Variants in ODAD2 observed in about 807,000 individuals in gnomAD.
ODAD2 encodes the protein outer dynein arm docking complex subunit 2.
ODAD2 carries 89 observed loss-of-function variants against 106.8 expected under a neutral mutation model. The ratio of observed to expected loss-of-function variants is 0.83; its 90% CI spans 0.70 to 0.99. The LOEUF is 0.99. Ranked by LOEUF, ODAD2 falls within the 50% of genes least tolerant of loss-of-function variation. The pLI is 0.00. For synonymous variants in ODAD2, 404 were observed against 436.2 expected, an observed-to-expected ratio of 0.93 and a Z score of 0.92; for missense variants, 1,168 against 1,238.5, an observed-to-expected ratio of 0.94 and a Z score of 0.85.
At chr10:27,928,191 T>G (rs1043087237) in intron 16 of ODAD2, among the ~76,000 whole-genome samples, 9 of 152,066 alleles carry the variant, frequency 5.9e-5, no homozygotes, top group African/African-American at 2.2e-4. Flanking sequence ...CACTCTTTCT[T>G]CAACCATCTT....
At position 27,971,460 on chromosome 10, in the gene ODAD2, C is replaced by T. The variant is rs545685151; in HGVS notation, c.937-147G>A. ...AGTAACAGCTAAACAAGGACAACAT[C>T]AAGACTAAGGCTTCTGTTGGAGTTA... On this transcript the variant is annotated intron_variant, in intron 7 of 19. Coordinates refer to ENST00000305242, the MANE Select transcript of ODAD2 (RefSeq NM_018076.5). 19 of 663,020 alleles carry T rather than the reference C, an allele frequency of 2.9e-5. No individual in the cohort carries two copies. In the Admixed American group the frequency reaches 4.0e-4, roughly 14 times the overall value. 41.1% of individuals were successfully genotyped at this position (663,020 alleles called of 1,614,324 possible).
chr10:27,835,466 T>TTC (rs892865543), intron 19 of ODAD2, among the ~76,000 whole-genome samples: 1 of 151,878 alleles, frequency 6.6e-6, no homozygotes, highest in Admixed American at 6.6e-5. Context: ...GGCAGGTGTG[T>TTC]TCTCTCTCTC....
At chr10:27,917,482 T>C (rs550694260) in intron 16 of ODAD2, among the ~76,000 whole-genome samples, 7 of 151,454 alleles carry the variant, frequency 4.6e-5, no homozygotes, top group Middle Eastern at 3.2e-3. Context: ...GAAGCAAAAG[T>C]TAAACACAAA....
chr10:27,868,588 A>G (rs535746873), intron 17 of ODAD2, among the ~76,000 whole-genome samples: 1 of 152,292 alleles, frequency 6.6e-6, no homozygotes, highest in South Asian at 2.1e-4. Flanking sequence ...CGAACAGAAA[A>G]CCAAACAACA....
chr10:27,856,266 A>T (rs541528059), intron 19 of ODAD2, among the ~76,000 whole-genome samples: 1 of 151,290 alleles, frequency 6.6e-6, no homozygotes, highest in African/African-American at 2.4e-5. Context: ...ACTGTATTGG[A>T]GGGGATTGAT....
chr10:27,848,564 CTAAT>C (rs1302375356), intron 19 of ODAD2, among the ~76,000 whole-genome samples: 1 of 152,172 alleles, frequency 6.6e-6, no homozygotes, highest in African/African-American at 2.4e-5. Context: ...CAAATGGGAT[CTAAT>C]TAAACTAAAG....
rs561834977 is a variant in ODAD2 at position 27,924,516 on chromosome 10, T to C, written c.2495+10494A>G. ...AAGATAAAACCAGAAATTTATGTGG[T>C]AGAAAATAAAAGAACAGTACATCCA... On this transcript the variant is annotated intron_variant, in intron 16 of 19. Coordinates refer to ENST00000305242, the MANE Select transcript of ODAD2 (RefSeq NM_018076.5). Among the ~76,000 whole-genome samples the C allele has an allele frequency of 3.9e-3, 544 of 140,612 alleles. 3 individuals carry two copies. The highest frequency in any genetic ancestry group is 0.014 in the African/African-American group (528 of 38,366). The allele number at this position is 140,612 out of a possible 152,430, so 92.2% of individuals were successfully genotyped here. A position where few individuals can be genotyped will look rare whatever the true frequency, so the allele number is the denominator to read the frequency against.
intron 17 of ODAD2, among the ~76,000 whole-genome samples, chr10:27,895,040 C>A (rs547817129): frequency 4.9e-4 from 19 of 39,046 alleles, no homozygotes; most frequent in African/African-American, 1.2e-3. Flanking sequence ...GTCATCGGTA[C>A]GAAAAAAAAA....
intron 10 of ODAD2, among the ~76,000 whole-genome samples, chr10:27,953,708 G>T (rs1475351998): frequency 2.6e-5 from 4 of 152,164 alleles, no homozygotes; most frequent in African/African-American, 4.8e-5. Context: ...TTTCATTTAT[G>T]TATATAAATT....
chr10:27,910,336 C>T (rs1007970394), intron 16 of ODAD2, among the ~76,000 whole-genome samples: 3 of 152,110 alleles, frequency 2.0e-5, no homozygotes, highest in African/African-American at 7.2e-5. Context: ...AATGGCTTCC[C>T]GTTGCCTTCA....
At chr10:27,995,410 A>G (rs945899477) in intron 1 of ODAD2, among the ~76,000 whole-genome samples, 4 of 152,196 alleles carry the variant, frequency 2.6e-5, no homozygotes, top group African/African-American at 4.8e-5. Context: ...TGAAATTAAT[A>G]ACTTCTTTCT....
chr10:27,971,143 TG>T lies in ODAD2; in HGVS notation c.1106del (p.Pro369GlnfsTer3), dbSNP rs1350976215. 8.1e-6 allele frequency: 13 copies of T among 1,613,852 alleles called. No homozygotes were observed. Among genetic ancestry groups the T allele is most frequent in the Non-Finnish European group, 1.0e-5 (12 of 1,179,892 alleles). ...TAACAGTGGTCTTCCAGTTTAAGCT[TG>T]GTTCCCATCTCTTGGTCATTTGATT... ...WRNQMTKRWE[P>X]SLNWKTTVNY... On this transcript the variant is annotated frameshift_variant, in exon 8 of 20. Transcript: ENST00000305242. LOFTEE classifies it high-confidence loss of function.
intron 19 of ODAD2, among the ~76,000 whole-genome samples, chr10:27,852,516 A>G (rs10826354): frequency 0.073 from 11,084 of 152,320 alleles, 637 homozygotes; most frequent in East Asian, 0.28. Flanking sequence ...GCAATCACTA[A>G]ATGACAACAC....
In ODAD2 at chr10:27,831,308, C is replaced by T. The variant is rs111589311; in HGVS notation, c.3022-18683G>A. Among the ~76,000 whole-genome samples, 1,020 of 152,148 alleles carry T rather than the reference C, an allele frequency of 6.7e-3. 10 individuals carry two copies. Among genetic ancestry groups the T allele is most frequent in the African/African-American group, 0.023 (960 of 41,502 alleles). On this transcript the variant is annotated intron_variant, in intron 19 of 19. Coordinates refer to ENST00000305242, the MANE Select transcript of ODAD2 (RefSeq NM_018076.5). Reference sequence around the variant, plus strand: ...TTAAATCTGTACATTTTTTCATCATCACCGAAAACGACATTCCCCTGCCCA... The same window carrying T: ...TTAAATCTGTACATTTTTTCATCATTACCGAAAACGACATTCCCCTGCCCA...
In ODAD2 at chr10:27,812,422, C is replaced by T. The variant is rs955173536; in HGVS notation, c.*90G>A. On this transcript the variant is annotated 3_prime_UTR_variant, in exon 20 of 20. Transcript: ENST00000305242. ...TTAGATGGTTGAAAGGGTTTGCTAA[C>T]AACTGTTTCCCAATTTAGGCTTTCT... The T allele has an allele frequency of 1.1e-5, 14 of 1,245,176 alleles. No homozygotes were observed. Among genetic ancestry groups the T allele is most frequent in the Non-Finnish European group, 1.6e-5 (14 of 885,414 alleles). 77.1% of individuals were successfully genotyped at this position (1,245,176 alleles called of 1,614,324 possible). A position where few individuals can be genotyped will look rare whatever the true frequency, so the allele number is the denominator to read the frequency against.
chr10:27,913,297 A>G (rs1844137613), intron 16 of ODAD2, among the ~76,000 whole-genome samples: 1 of 152,006 alleles, frequency 6.6e-6, no homozygotes. Context: ...TCCATCTTCA[A>G]GTAGGCCCTG....
At chr10:27,973,324 T>C (rs1303461059) in intron 7 of ODAD2, among the ~76,000 whole-genome samples, 1 of 152,110 alleles carries the variant, frequency 6.6e-6, no homozygotes, top group South Asian at 2.1e-4. Flanking sequence ...CAAAACCCCA[T>C]CTGTACCAAA....
intron 16 of ODAD2, among the ~76,000 whole-genome samples, chr10:27,913,713 C>A (rs1165570583): frequency 6.6e-6 from 1 of 152,034 alleles, no homozygotes; most frequent in Non-Finnish European, 1.5e-5. Context: ...ATACACGTGG[C>A]CAGCAAGCAT....
chr10:27,986,994 T>C (rs1849913211), intron 3 of ODAD2, among the ~76,000 whole-genome samples: 1 of 152,260 alleles, frequency 6.6e-6, no homozygotes, highest in Non-Finnish European at 1.5e-5. Context: ...AATCTATTCC[T>C]TGGCAGTATG....
Sources: allele counts gnomAD v4.1 joint callset (sites outside exome capture counted in the v4.1 genomes callset), GRCh38; gene constraint gnomAD v4.1.1; transcripts MANE v1.5; gene names NCBI Gene and HGNC (gene_info 2026-07-23, HGNC 2026-07-21).